Variants in CAB39L observed in about 807,000 individuals in gnomAD.
The protein encoded by CAB39L is calcium-binding protein 39-like.
In CAB39L, 23 loss-of-function variants were observed where a neutral mutation model predicts 39.1. That is an observed-to-expected ratio of 0.59 (90% confidence interval 0.42 to 0.83). CAB39L has a LOEUF of 0.83. CAB39L is among the 40% of genes least tolerant of loss of function. CAB39L has a pLI of 0.00. For missense variants in CAB39L, 366 were observed against 391.9 expected, an observed-to-expected ratio of 0.93 and a Z score of 0.56; for synonymous variants, 126 against 137.2, an observed-to-expected ratio of 0.92 and a Z score of 0.57.
At chr13:49,429,737 AG>A (rs1345933460) in intron 3 of CAB39L, among the ~76,000 whole-genome samples, 1 of 152,230 alleles carries the variant, frequency 6.6e-6, no homozygotes, top group Non-Finnish European at 1.5e-5. Context: ...TTGCTTATTT[AG>A]AATGAAATAA....
At chr13:49,434,595 C>T (rs1212060487) in intron 1 of CAB39L, among the ~76,000 whole-genome samples, 1 of 151,990 alleles carries the variant, frequency 6.6e-6, no homozygotes, top group Non-Finnish European at 1.5e-5. Flanking sequence ...TGTACTGGCT[C>T]ATCACTGTAA....
At chr13:49,368,723 G>A (rs984673043) in intron 5 of CAB39L, among the ~76,000 whole-genome samples, 1 of 152,088 alleles carries the variant, frequency 6.6e-6, no homozygotes, top group East Asian at 1.9e-4. Flanking sequence ...GCTTTAACAT[G>A]AAATGCTCCA....
At chr13:49,324,327 T>A (rs1431216406) in intron 10 of CAB39L, among the ~76,000 whole-genome samples, 25 of 151,566 alleles carry the variant, frequency 1.6e-4, no homozygotes, top group Non-Finnish European at 1.0e-4. Flanking sequence ...AAATAAAAAA[T>A]AAATAAATAA....
At chr13:49,332,215 A>T in intron 9 of CAB39L, 125 bp from the exon 10 acceptor site, 2 of 1,036,206 alleles carry the variant, frequency 1.9e-6, no homozygotes, top group East Asian at 5.0e-5. Flanking sequence ...AAAAAATTAG[A>T]GTGTCCTTAA....
intron 3 of CAB39L, among the ~76,000 whole-genome samples, chr13:49,419,081 C>T (rs1957130185): frequency 6.6e-6 from 1 of 152,126 alleles, no homozygotes; most frequent in Non-Finnish European, 1.5e-5. Flanking sequence ...GATTCTCTTG[C>T]CTCATCTTCC....
chr13:49,443,083 T>TAA (rs71078845), intron 1 of CAB39L, among the ~76,000 whole-genome samples: 5,288 of 116,438 alleles, frequency 0.045, 381 homozygotes, highest in African/African-American at 0.14. Context: ...ACAACAATGC[T>TAA]AAAAAAAAAA....
Position 49,444,005 on chromosome 13 carries a change from A to G in CAB39L, c.-265T>C, listed in dbSNP as rs1343271408. The stretch of plus-strand genomic sequence containing the variant: ...ACCTACCGGAGGAAACAGCTGCGCC[A>G]CCACTCCAGTGATGCCGGCCTCTCG... On this transcript the variant is annotated 5_prime_UTR_variant, in exon 1 of 11. Transcript: ENST00000409308. The G allele has an allele frequency of 2.2e-6, 1 of 456,626 alleles. No individual in the cohort carries two copies. Among genetic ancestry groups the G allele is most frequent in the Non-Finnish European group, 4.4e-6 (1 of 226,972 alleles). The allele number at this position is 456,626 out of a possible 1,614,324, so 28.3% of individuals were successfully genotyped here.
intron 9 of CAB39L, 129 bp from the exon 10 acceptor site, chr13:49,332,219 TC>T (rs1807776644): frequency 9.6e-7 from 1 of 1,041,678 alleles, no homozygotes; most frequent in East Asian, 2.5e-5. Context: ...AATTAGAGTG[TC>T]CTTAAGTGCA....
At chr13:49,395,065 A>G (rs748844647) in intron 3 of CAB39L, among the ~76,000 whole-genome samples, 9 of 152,166 alleles carry the variant, frequency 5.9e-5, no homozygotes, top group Non-Finnish European at 1.2e-4. Flanking sequence ...GTGGATGCTT[A>G]ATTTCCTTCT....
intron 7 of CAB39L, among the ~76,000 whole-genome samples, chr13:49,346,494 T>C (rs1004148808): frequency 6.6e-6 from 1 of 152,072 alleles, no homozygotes; most frequent in Non-Finnish European, 1.5e-5. Flanking sequence ...TCCTAACAAT[T>C]CTGTTTTGAG....
At chr13:49,394,489 G>A (rs1408956819) in intron 3 of CAB39L, among the ~76,000 whole-genome samples, 1 of 151,948 alleles carries the variant, frequency 6.6e-6, no homozygotes, top group Non-Finnish European at 1.5e-5. Context: ...ACCTTAAAAT[G>A]TTCACAACCT....
At chr13:49,356,012 C>G (rs1378298313) in intron 6 of CAB39L, among the ~76,000 whole-genome samples, 1 of 152,022 alleles carries the variant, frequency 6.6e-6, no homozygotes, top group Non-Finnish European at 1.5e-5. Flanking sequence ...ATAAAAAATA[C>G]AAAAGGAATG....
At chr13:49,343,680 G>A (rs1273627116) in intron 8 of CAB39L, among the ~76,000 whole-genome samples, 1 of 151,858 alleles carries the variant, frequency 6.6e-6, no homozygotes, top group Non-Finnish European at 1.5e-5. Flanking sequence ...AAAGAGAAAG[G>A]ATGCATGTTT....
At chr13:49,401,825 C>T (rs886786111) in intron 3 of CAB39L, among the ~76,000 whole-genome samples, 2 of 152,100 alleles carry the variant, frequency 1.3e-5, no homozygotes, top group Non-Finnish European at 2.9e-5. Flanking sequence ...AACAGATTCA[C>T]CTGCTAATAT....
chr13:49,345,386 C>A (rs954966702), intron 7 of CAB39L, among the ~76,000 whole-genome samples: 1 of 152,108 alleles, frequency 6.6e-6, no homozygotes, highest in South Asian at 2.1e-4. Context: ...CTATTGCTAT[C>A]ACACAACTTG....
At chr13:49,438,496 A>G (rs1820849893) in intron 1 of CAB39L, among the ~76,000 whole-genome samples, 1 of 152,220 alleles carries the variant, frequency 6.6e-6, no homozygotes. Context: ...ATTCATGGGA[A>G]CAATTATAGC....
chr13:49,383,512 T>C (rs551312918), intron 3 of CAB39L, among the ~76,000 whole-genome samples: 141 of 152,302 alleles, frequency 9.3e-4, no homozygotes, highest in African/African-American at 3.3e-3. Context: ...ATCAAATATT[T>C]TGCATTAAAG....
intron 3 of CAB39L, among the ~76,000 whole-genome samples, chr13:49,432,261 C>T (rs1328618959): frequency 6.6e-6 from 1 of 151,990 alleles, no homozygotes. Context: ...TCCAGCAATC[C>T]TCCCACCTCA....
chr13:49,327,224 T>G (rs1471693262), intron 10 of CAB39L, among the ~76,000 whole-genome samples: 1 of 152,182 alleles, frequency 6.6e-6, no homozygotes, highest in Non-Finnish European at 1.5e-5. Context: ...CTGTATGATA[T>G]CGCTTATTCT....
Sources: allele counts gnomAD v4.1 joint callset (sites outside exome capture counted in the v4.1 genomes callset), GRCh38; gene constraint gnomAD v4.1.1; transcripts MANE v1.5; gene names NCBI Gene and HGNC (gene_info 2026-07-23, HGNC 2026-07-21).